Variants in RALYL observed in about 807,000 individuals in gnomAD.
RALYL encodes the protein RALY RNA binding protein like, also known as RNA-binding Raly-like protein.
A neutral mutation model predicts 35.1 loss-of-function variants in RALYL; 29 were observed. That is an observed-to-expected ratio of 0.83 (90% confidence interval 0.61 to 1.13). The LOEUF is 1.13. Among genes scored for constraint, RALYL ranks in the 50% most tolerant of loss-of-function variants. RALYL has a pLI of 0.00. For synonymous variants in RALYL, 120 were observed against 127.6 expected, an observed-to-expected ratio of 0.94 and a Z score of 0.40; for missense variants, 359 against 360.4, an observed-to-expected ratio of 1.00 and a Z score of 0.03.
chr8:84,201,363 T>C (rs1281790231), intron 1 of RALYL, among the ~76,000 whole-genome samples: 2 of 152,178 alleles, frequency 1.3e-5, no homozygotes, highest in Non-Finnish European at 2.9e-5. Context: ...CTTTATTTGT[T>C]GGTTTAGAGC....
chr8:84,271,416 T>C (rs2131946865), intron 1 of RALYL, among the ~76,000 whole-genome samples: 1 of 149,808 alleles, frequency 6.7e-6, no homozygotes, highest in Admixed American at 6.8e-5. Flanking sequence ...ACTAGGACCC[T>C]CATGCAGTAT....
In RALYL at chr8:84,709,837, G is replaced by A. The variant is rs189152208; in HGVS notation, c.257-64742G>A. On this transcript the variant is annotated intron_variant, in intron 2 of 8. Coordinates refer to ENST00000521268, the MANE Select transcript of RALYL (RefSeq NM_173848.7). ...GCAATTTGGGAGGCCAAGGCGGGAG[G>A]ATTACTTGAGTTCAGGAGTTCAAGA... Among the ~76,000 whole-genome samples, 59 of 152,246 alleles carry A rather than the reference G, an allele frequency of 3.9e-4. 1 individual carries two copies. The highest frequency in any genetic ancestry group is 6.8e-4 in the Non-Finnish European group (46 of 68,012).
At chr8:84,257,769 T>C (rs561064428) in intron 1 of RALYL, among the ~76,000 whole-genome samples, 34 of 152,266 alleles carry the variant, frequency 2.2e-4, no homozygotes, top group African/African-American at 7.9e-4. Context: ...TGAAGCTGCA[T>C]TGGCTTGGTT....
chr8:84,555,000 G>A (rs890314483), intron 2 of RALYL, among the ~76,000 whole-genome samples: 1 of 151,998 alleles, frequency 6.6e-6, no homozygotes, highest in East Asian at 1.9e-4. Flanking sequence ...AAATATGTTG[G>A]CCTGGCACAG....
intron 1 of RALYL, among the ~76,000 whole-genome samples, chr8:84,257,126 G>A (rs1317321662): frequency 6.6e-6 from 1 of 151,510 alleles, no homozygotes; most frequent in Non-Finnish European, 1.5e-5. Flanking sequence ...ATATTTATTA[G>A]TTTTTTTACT....
chr8:84,691,486 A>G (rs1014272470), intron 2 of RALYL, among the ~76,000 whole-genome samples: 3 of 152,112 alleles, frequency 2.0e-5, no homozygotes, highest in African/African-American at 4.8e-5. Context: ...CAGTGAATTG[A>G]GAAAGATTCA....
intron 2 of RALYL, among the ~76,000 whole-genome samples, chr8:84,553,193 T>A (rs980093950): frequency 1.3e-5 from 2 of 152,204 alleles, no homozygotes; most frequent in African/African-American, 4.8e-5. Flanking sequence ...AGCATCTTGC[T>A]CTGTTGCCCA....
chr8:84,241,518 C>T (rs1827871918), intron 1 of RALYL, among the ~76,000 whole-genome samples: 2 of 152,108 alleles, frequency 1.3e-5, no homozygotes, highest in Non-Finnish European at 2.9e-5. Context: ...TGGCTCATGC[C>T]TGTAATCCCA....
intron 2 of RALYL, among the ~76,000 whole-genome samples, chr8:84,681,694 CCTAA>C (rs544868843): frequency 8.3e-4 from 127 of 152,250 alleles, no homozygotes; most frequent in South Asian, 1.4e-3. Flanking sequence ...GATTTTGTAT[CCTAA>C]CTGTTTGCCG....
chr8:84,878,326 G>T (rs1841559643), intron 7 of RALYL, among the ~76,000 whole-genome samples: 3 of 152,104 alleles, frequency 2.0e-5, no homozygotes, highest in Non-Finnish European at 4.4e-5. Flanking sequence ...CACAGCACTG[G>T]CAGGACACTA....
chr8:84,740,227 A>G (rs1260423891), intron 2 of RALYL, among the ~76,000 whole-genome samples: 5 of 152,112 alleles, frequency 3.3e-5, no homozygotes, highest in Non-Finnish European at 2.9e-5. Flanking sequence ...GTGAAAGACT[A>G]AAATATCTAG....
chr8:84,621,806 G>A (rs180820456), intron 2 of RALYL, among the ~76,000 whole-genome samples: 61 of 152,070 alleles, frequency 4.0e-4, no homozygotes, highest in African/African-American at 1.4e-3. Flanking sequence ...AGATTCTCAA[G>A]GGCATGATTC....
chr8:84,632,869 C>T (rs1452741577), intron 2 of RALYL, among the ~76,000 whole-genome samples: 1 of 151,866 alleles, frequency 6.6e-6, no homozygotes, highest in Non-Finnish European at 1.5e-5. Context: ...AGCCCCATGG[C>T]CTTGAGTAAG....
intron 1 of RALYL, among the ~76,000 whole-genome samples, chr8:84,468,785 C>G (rs1248286271): frequency 1.9e-4 from 29 of 151,590 alleles, no homozygotes; most frequent in Middle Eastern, 6.8e-3. Context: ...GTACACCAAT[C>G]AGACGTAGAT....
intron 2 of RALYL, among the ~76,000 whole-genome samples, chr8:84,669,675 A>C (rs1324264167): frequency 6.6e-6 from 1 of 152,070 alleles, no homozygotes; most frequent in Non-Finnish European, 1.5e-5. Flanking sequence ...TCAAATGTCA[A>C]GGATTCAAAA....
chr8:84,871,878 C>G (rs1381790096), intron 6 of RALYL, among the ~76,000 whole-genome samples: 1 of 152,114 alleles, frequency 6.6e-6, no homozygotes, highest in Non-Finnish European at 1.5e-5. Context: ...TATATTATAT[C>G]ATTTATCTTA....
intron 2 of RALYL, among the ~76,000 whole-genome samples, chr8:84,565,470 A>C (rs1440754525): frequency 6.6e-6 from 1 of 151,634 alleles, no homozygotes; most frequent in Non-Finnish European, 1.5e-5. Context: ...TAATTAAATA[A>C]GATTATGCTG....
chr8:84,412,393 T>C (rs776447939), intron 1 of RALYL, among the ~76,000 whole-genome samples: 1 of 151,966 alleles, frequency 6.6e-6, no homozygotes, highest in Admixed American at 6.6e-5. Context: ...GTGTTATCTA[T>C]GTTCTTTACG....
At chr8:84,341,429 C>A (rs1848763416) in intron 1 of RALYL, among the ~76,000 whole-genome samples, 1 of 151,848 alleles carries the variant, frequency 6.6e-6, no homozygotes, top group East Asian at 1.9e-4. Context: ...CTACCTGAGA[C>A]ATAAACAAGA....
Sources: allele counts gnomAD v4.1 joint callset (sites outside exome capture counted in the v4.1 genomes callset), GRCh38; gene constraint gnomAD v4.1.1; transcripts MANE v1.5; gene names NCBI Gene and HGNC (gene_info 2026-07-23, HGNC 2026-07-21).